Variants in NEURL1 observed in about 807,000 individuals in gnomAD.
The protein encoded by NEURL1 is neuralized E3 ubiquitin protein ligase 1.
NEURL1 carries 26 observed loss-of-function variants against 41.2 expected under a neutral mutation model. The observed-to-expected ratio is 0.63, with a 90% CI of 0.46 to 0.87. The LOEUF is 0.87. Ranked by LOEUF, NEURL1 falls within the 40% of genes least tolerant of loss-of-function variation. NEURL1 has a pLI of 0.00. For synonymous variants in NEURL1, 400 were observed against 402.3 expected (o/e 0.99, Z 0.07); for missense variants, 761 against 871.1 (o/e 0.87, Z 1.59).
At chr10:103,517,721 T>G (rs1007352427) in intron 1 of NEURL1, among the ~76,000 whole-genome samples, 2 of 152,248 alleles carry the variant, frequency 1.3e-5, no homozygotes, top group African/African-American at 4.8e-5. Flanking sequence ...CCTTCTCCCC[T>G]GCAGCAGCTC....
At chr10:103,554,206 AC>A (rs1174093237) in intron 1 of NEURL1, among the ~76,000 whole-genome samples, 1 of 151,794 alleles carries the variant, frequency 6.6e-6, no homozygotes, top group African/African-American at 2.4e-5. Flanking sequence ...CTCTGTTCCC[AC>A]CTTTCCCTCT....
chr10:103,503,788 CTTTTT>C (rs56098530), intron 1 of NEURL1, among the ~76,000 whole-genome samples: 1 of 110,586 alleles, frequency 9.0e-6, no homozygotes. Context: ...CTCCCCCTGG[CTTTTT>C]TTTTTTTTTT....
At chr10:103,584,388 C>T (rs1433609580) in intron 3 of NEURL1, 148 bp from the exon 4 acceptor site, 2 of 445,506 alleles carry the variant, frequency 4.5e-6, no homozygotes, top group Non-Finnish European at 7.5e-6. Context: ...CGTTTCTTGA[C>T]TGTGTTCGCT....
At chr10:103,576,374 G>A (rs1051053911) in intron 3 of NEURL1, among the ~76,000 whole-genome samples, 1 of 152,156 alleles carries the variant, frequency 6.6e-6, no homozygotes, top group East Asian at 1.9e-4. Flanking sequence ...GCAGATCCAG[G>A]AGGGGAAGGA....
intron 1 of NEURL1, among the ~76,000 whole-genome samples, chr10:103,526,953 A>T: frequency 6.6e-6 from 1 of 151,194 alleles, no homozygotes. Context: ...AGTAAAAGCA[A>T]GTTTATTAGA....
rs2035222072 is a variant in NEURL1, at chr10:103,558,957, A to C, written c.86-11915A>C. 6.6e-6 allele frequency among the ~76,000 whole-genome samples: 1 copy of C among 152,064 alleles called. No individual in the cohort carries two copies. The highest frequency in any genetic ancestry group is 2.4e-5 in the African/African-American group (1 of 41,410). On this transcript the variant is annotated intron_variant, in intron 1 of 5. Transcript: ENST00000369780. The surrounding 1 kb of genome is among the most constrained non-coding windows in gnomAD (Gnocchi z 4.2). ...TGGATTTAACAAGCCTGAGTGTCAG[A>C]GGATGCTGGCGTACAGGGACCCGAG...
intron 1 of NEURL1, among the ~76,000 whole-genome samples, chr10:103,562,188 G>A (rs1445772447): frequency 6.6e-6 from 1 of 152,196 alleles, no homozygotes; most frequent in Non-Finnish European, 1.5e-5. Context: ...TTCGAGACCA[G>A]CCTGACCAAC....
At chr10:103,557,507 A>T (rs1274264018) in intron 1 of NEURL1, among the ~76,000 whole-genome samples, 3 of 151,604 alleles carry the variant, frequency 2.0e-5, no homozygotes, top group Admixed American at 2.0e-4. Flanking sequence ...ATCTGCCTTG[A>T]CCTCCACCCT....
rs767321852 is a variant in NEURL1 at position 103,571,026 on chromosome 10, C to T, written c.240C>T (p.His80=). The T allele has an allele frequency of 6.2e-7, 1 of 1,614,066 alleles. No homozygotes were observed. Among genetic ancestry groups the T allele is most frequent in the Admixed American group, 1.7e-5 (1 of 60,028 alleles). The change falls in exon 2 of 6, where the codon CAC becomes CAT. Residue 80 remains histidine, a synonymous_variant. Coordinates refer to ENST00000369780, the MANE Select transcript of NEURL1 (RefSeq NM_004210.5). ...KGSQILMDLS[H]KAVKRQASFC... ...CCCAGATCCTCATGGACCTCAGCCA[C>T]AAGGCTGTCAAGAGGCAGGCCAGCT... is the stretch of plus-strand genomic sequence containing the variant.
chr10:103,590,598 C>T lies in NEURL1; in HGVS notation c.*226C>T. 1 of 578,948 alleles carries T rather than the reference C, an allele frequency of 1.7e-6. No homozygotes were observed. Among genetic ancestry groups the T allele is most frequent in the Admixed American group, 3.0e-5 (1 of 33,210 alleles). The allele number at this position is 578,948 out of a possible 1,614,324, so 35.9% of individuals were successfully genotyped here. On this transcript the variant is annotated 3_prime_UTR_variant, in exon 6 of 6. Transcript: ENST00000369780. ...AGAGGGAGGGGAGGAGAGGAGGCCG[C>T]ACTCTCCCTGTCTCTCCCGTCTCTG...
At chr10:103,586,780 G>A (rs1049627379) in intron 4 of NEURL1, among the ~76,000 whole-genome samples, 2 of 152,186 alleles carry the variant, frequency 1.3e-5, no homozygotes, top group Non-Finnish European at 2.9e-5. Flanking sequence ...TGGGTGCGGT[G>A]GCTCACATCT....
At chr10:103,568,066 G>A (rs964674083) in intron 1 of NEURL1, among the ~76,000 whole-genome samples, 3 of 152,176 alleles carry the variant, frequency 2.0e-5, no homozygotes, top group African/African-American at 7.2e-5. Flanking sequence ...CTAGGGTTGG[G>A]ATTACTTTCG....
chr10:103,559,338 T>A (rs1183312735), intron 1 of NEURL1, among the ~76,000 whole-genome samples: 1 of 152,178 alleles, frequency 6.6e-6, no homozygotes, highest in Non-Finnish European at 1.5e-5. Context: ...TAGCTCTGCA[T>A]TCCCTTACCT....
chr10:103,567,793 A>C (rs978730734), intron 1 of NEURL1, among the ~76,000 whole-genome samples: 4 of 152,210 alleles, frequency 2.6e-5, no homozygotes, highest in Non-Finnish European at 5.9e-5. Context: ...GACCCTGGGC[A>C]AGCCACTTAA....
At chr10:103,584,379 G>C (rs1203320146) in intron 3 of NEURL1, among the ~76,000 whole-genome samples, 157 bp from the exon 4 acceptor site, 1 of 152,186 alleles carries the variant, frequency 6.6e-6, no homozygotes, top group Admixed American at 6.5e-5. Flanking sequence ...TGCAAGAGTC[G>C]TTTCTTGACT....
intron 1 of NEURL1, among the ~76,000 whole-genome samples, chr10:103,542,452 A>G (rs2034840044): frequency 6.6e-6 from 1 of 152,066 alleles, no homozygotes; most frequent in Non-Finnish European, 1.5e-5. Context: ...TTGTAGGGAC[A>G]GGGTCTTGCT....
At chr10:103,543,710 C>G (rs1157835772) in intron 1 of NEURL1, among the ~76,000 whole-genome samples, 1 of 152,182 alleles carries the variant, frequency 6.6e-6, no homozygotes, top group Non-Finnish European at 1.5e-5. Flanking sequence ...GAGGGATAGT[C>G]TGGTCTATTC....
At chr10:103,501,930 G>T (rs1434865387) in intron 1 of NEURL1, among the ~76,000 whole-genome samples, 2 of 151,814 alleles carry the variant, frequency 1.3e-5, no homozygotes, top group Non-Finnish European at 2.9e-5. Flanking sequence ...CACCACACCC[G>T]GCCATTATTT....
At position 103,570,992 on chromosome 10, in the gene NEURL1, C is replaced by T. The variant is rs763000981; in HGVS notation, c.206C>T (p.Thr69Ile). Residue 69 changes from threonine (T) to isoleucine (I), a missense_variant, in exon 2 of 6, where the codon ACC becomes ATC. Around this residue, in one of 5 missense-constraint regions of NEURL1, gnomAD observed 94 missense variants for 96.6 expected, o/e 0.97. Transcript: ENST00000369780. Reference protein sequence around the residue: ...PATPLLFHPHTKGSQILMDLS... With the variant: ...PATPLLFHPHIKGSQILMDLS... ...ACGCCGCTGCTCTTCCACCCGCACACCAAGGGCTCCCAGATCCTCATGGAC... is the reference window on the plus strand; with the variant it reads ...ACGCCGCTGCTCTTCCACCCGCACATCAAGGGCTCCCAGATCCTCATGGAC... The T allele has an allele frequency of 6.2e-7, 1 of 1,614,060 alleles. No individual in the cohort carries two copies. Among genetic ancestry groups the T allele is most frequent in the Non-Finnish European group, 8.5e-7 (1 of 1,180,008 alleles).
Sources: gnomAD v4.1 joint callset for allele counts (sites outside exome capture counted in the v4.1 genomes callset) on GRCh38, gnomAD v4.1.1 for gene constraint, gnomAD v4.1.1 regional missense constraint, Gnocchi (gnomAD v3.1) non-coding constraint, MANE v1.5 for transcripts, NCBI Gene and HGNC (gene_info 2026-07-23, HGNC 2026-07-21) for gene names.